Variants in ATRNL1 observed in about 807,000 individuals in gnomAD.
ATRNL1 encodes the protein attractin-like protein 1.
ATRNL1 carries 95 observed loss-of-function variants against 182.7 expected under a neutral mutation model. The ratio of observed to expected loss-of-function variants is 0.52; its 90% CI spans 0.44 to 0.62. The LOEUF is 0.62. Among genes scored for constraint, ATRNL1 ranks in the 20% least tolerant of loss-of-function variants. ATRNL1 has a pLI of 0.00. For synonymous variants in ATRNL1, 576 were observed against 568.3 expected (o/e 1.01, Z -0.19); for missense variants, 1,471 against 1,679.5 (o/e 0.88, Z 2.17).
At chr10:115,122,329 T>A (rs759981424) in intron 3 of ATRNL1, among the ~76,000 whole-genome samples, 17 of 151,872 alleles carry the variant, frequency 1.1e-4, no homozygotes, top group Non-Finnish European at 2.2e-4. Flanking sequence ...GTAAGGTAGA[T>A]TATTAATTTT....
chr10:115,368,961 G>A (rs112742325), intron 19 of ATRNL1, among the ~76,000 whole-genome samples: 1 of 151,938 alleles, frequency 6.6e-6, no homozygotes, highest in Non-Finnish European at 1.5e-5. Context: ...TGATCTGCCT[G>A]CCTTGGCCTC....
chr10:115,162,621 A>T (rs1021500278), intron 6 of ATRNL1, among the ~76,000 whole-genome samples: 1 of 150,914 alleles, frequency 6.6e-6, no homozygotes. Flanking sequence ...TATTGATGAT[A>T]TACTGGGGAT....
intron 27 of ATRNL1, among the ~76,000 whole-genome samples, chr10:115,813,040 T>C (rs1168772104): frequency 1.3e-5 from 2 of 152,108 alleles, no homozygotes; most frequent in Non-Finnish European, 2.9e-5. Context: ...CTAGCCAGAT[T>C]GCCATGACAG....
At chr10:115,294,276 A>C (rs1355493392) in intron 15 of ATRNL1, among the ~76,000 whole-genome samples, 1 of 152,202 alleles carries the variant, frequency 6.6e-6, no homozygotes, top group African/African-American at 2.4e-5. Flanking sequence ...TTGTAAGCCC[A>C]GGAGATCGAG....
At position 115,336,239 on chromosome 10, in the gene ATRNL1, T is replaced by C. The variant is rs551102165; in HGVS notation, c.3175+1820T>C. ...CTCTTAACTGTTAATGCAGGAGTTA[T>C]GTTCATATGGACCAGGAAGATCCAG... On this transcript the variant is annotated intron_variant, in intron 19 of 28. Coordinates refer to ENST00000355044, the MANE Select transcript of ATRNL1 (RefSeq NM_207303.4). 2.6e-5 allele frequency among the ~76,000 whole-genome samples: 4 copies of C among 152,316 alleles called. No individual in the cohort carries two copies. The South Asian group carries it at 8.3e-4, about 32-fold the overall frequency.
intron 25 of ATRNL1, among the ~76,000 whole-genome samples, chr10:115,521,578 CT>C (rs372345033): frequency 6.6e-6 from 1 of 152,110 alleles, no homozygotes; most frequent in Non-Finnish European, 1.5e-5. Flanking sequence ...TTATTTTAAG[CT>C]TTTGAATTTG....
At chr10:115,408,207 G>T (rs1299830665) in intron 20 of ATRNL1, among the ~76,000 whole-genome samples, 1 of 151,284 alleles carries the variant, frequency 6.6e-6, no homozygotes, top group Non-Finnish European at 1.5e-5. Context: ...GTTTCACCTT[G>T]TTAGCCAGGA....
intron 20 of ATRNL1, among the ~76,000 whole-genome samples, chr10:115,403,257 CT>C (rs59256867): frequency 0.31 from 33,294 of 107,182 alleles, 5,323 homozygotes; most frequent in Middle Eastern, 0.42. Context: ...TTACTCTCAT[CT>C]TTTTTTTTTT....
chr10:115,880,357 C>G (rs926010775), intron 28 of ATRNL1, among the ~76,000 whole-genome samples: 11 of 152,198 alleles, frequency 7.2e-5, no homozygotes, highest in African/African-American at 2.7e-4. Context: ...GGTACGGTGG[C>G]TCACGCCTGT....
At chr10:115,260,045 C>T (rs1308416569) in intron 10 of ATRNL1, among the ~76,000 whole-genome samples, 2 of 152,170 alleles carry the variant, frequency 1.3e-5, no homozygotes. Flanking sequence ...AAAGCTGTCA[C>T]TTCCTACCGC....
intron 27 of ATRNL1, among the ~76,000 whole-genome samples, chr10:115,811,561 C>A (rs1217197418): frequency 6.6e-6 from 1 of 151,982 alleles, no homozygotes; most frequent in Admixed American, 6.6e-5. Context: ...TGTTAAAAAT[C>A]TCCAACTATA....
intron 27 of ATRNL1, among the ~76,000 whole-genome samples, chr10:115,736,370 ATTAT>A (rs1365378523): frequency 6.6e-6 from 1 of 151,916 alleles, no homozygotes; most frequent in Non-Finnish European, 1.5e-5. Flanking sequence ...GTTATATTTT[ATTAT>A]TTATTTATTA....
chr10:115,927,748 A>G (rs1246170164), intron 28 of ATRNL1, among the ~76,000 whole-genome samples: 1 of 152,082 alleles, frequency 6.6e-6, no homozygotes, highest in Non-Finnish European at 1.5e-5. Flanking sequence ...TGTCAAGAGA[A>G]TCAGTGCACA....
chr10:115,892,561 A>G (rs1952106181), intron 28 of ATRNL1, among the ~76,000 whole-genome samples: 1 of 152,216 alleles, frequency 6.6e-6, no homozygotes, highest in Admixed American at 6.5e-5. Context: ...TTGTAAGACT[A>G]TGAACTTTTT....
In ATRNL1 at chr10:115,121,709, G is replaced by T. The variant is rs782263408; in HGVS notation, c.388G>T (p.Val130Leu). The T allele has an allele frequency of 1.3e-6, 2 of 1,501,764 alleles. No individual in the cohort carries two copies. 93.0% of individuals were successfully genotyped at this position (1,501,764 alleles called of 1,614,324 possible). ...CATATTCATTTTCAGTCCAAATGCA[G>T]TGTTAAGATTAAGATTCAATCATTT... ...TWLIEGYPNA[V>L]LRLRFNHFAT... is the part of the protein sequence containing the mutation. The change falls in exon 3 of 29, where the codon GTG becomes TTG. Residue 130 changes from valine to leucine, a missense_variant. Transcript: ENST00000355044.
At chr10:115,325,663 C>A (rs1453109367) in intron 18 of ATRNL1, among the ~76,000 whole-genome samples, 1 of 152,100 alleles carries the variant, frequency 6.6e-6, no homozygotes, top group Non-Finnish European at 1.5e-5. Flanking sequence ...TATGACTAAC[C>A]TTTGTTTTCA....
intron 13 of ATRNL1, among the ~76,000 whole-genome samples, chr10:115,274,493 GC>G (rs1475537269): frequency 1.3e-5 from 2 of 152,120 alleles, no homozygotes; most frequent in Non-Finnish European, 2.9e-5. Flanking sequence ...GAGTTAGAAG[GC>G]CCCTGAATTT....
intron 26 of ATRNL1, among the ~76,000 whole-genome samples, chr10:115,670,353 T>A (rs1945656711): frequency 6.6e-6 from 1 of 152,148 alleles, no homozygotes; most frequent in Admixed American, 6.6e-5. Flanking sequence ...GTTCCAGTCA[T>A]TGTTATTAAT....
chr10:115,418,505 G>A (rs1845505931), intron 20 of ATRNL1, among the ~76,000 whole-genome samples: 1 of 152,022 alleles, frequency 6.6e-6, no homozygotes, highest in South Asian at 2.1e-4. Flanking sequence ...TCAAGAAGGA[G>A]TTGAGAGACA....
Sources: allele counts gnomAD v4.1 joint callset (sites outside exome capture counted in the v4.1 genomes callset), GRCh38; gene constraint gnomAD v4.1.1; transcripts MANE v1.5; gene names NCBI Gene and HGNC (gene_info 2026-07-23, HGNC 2026-07-21).